ZNF800: variants seen among roughly 807,000 people sequenced by gnomAD.
ZNF800 encodes zinc finger protein 800.
A neutral mutation model predicts 59.5 loss-of-function variants in ZNF800; 13 were observed. That is an observed-to-expected ratio of 0.22 (90% CI 0.14 to 0.35). ZNF800 has a LOEUF of 0.35. Ranked by LOEUF, ZNF800 falls within the 10% of genes least tolerant of loss-of-function variation. The probability of loss-of-function intolerance (pLI) is 1.00; values close to 1 mark genes in which losing one functional copy is unlikely to be tolerated. For missense variants in ZNF800, 621 were observed against 783.7 expected (o/e 0.79, Z 2.48); for synonymous variants, 266 against 265.7 (o/e 1.00, Z -0.01).
At chr7:127,352,944 A>G (rs1420795016) in intron 1 of ZNF800, among the ~76,000 whole-genome samples, 2 of 63,700 alleles carry the variant, frequency 3.1e-5, no homozygotes, top group East Asian at 1.2e-3. Context: ...AGAAATGGAA[A>G]TGATGAGAAA....
intron 3 of ZNF800, among the ~76,000 whole-genome samples, chr7:127,383,675 TAGATTA>T (rs1801041450): frequency 6.6e-6 from 1 of 152,188 alleles, no homozygotes; most frequent in African/African-American, 2.4e-5. Context: ...CAGTAGACAT[TAGATTA>T]ACCAGAAATG....
intron 2 of ZNF800, among the ~76,000 whole-genome samples, chr7:127,387,917 AACACACACACACAC>A (rs141731563): frequency 0.014 from 2,069 of 147,828 alleles, 50 homozygotes; most frequent in African/African-American, 0.049. Flanking sequence ...ATTAATTAAG[AACACACACACACAC>A]ACACACACAC....
At chr7:127,365,880 G>A (rs1473289069), downstream of ZNF800, among the ~76,000 whole-genome samples, 2 of 152,110 alleles carry the variant, frequency 1.3e-5, no homozygotes, top group Non-Finnish European at 2.9e-5. Context: ...GTGCTAGAAA[G>A]TATTTCAGAA....
At chr7:127,360,305 TAACC>T (rs1428084641) in intron 1 of ZNF800, 1 of 152,094 alleles carries the variant, frequency 6.6e-6, no homozygotes, top group Non-Finnish European at 1.5e-5. Context: ...CCTGATTAAA[TAACC>T]AACCACTAGT....
chr7:127,392,353 G>A lies in ZNF800; in HGVS notation c.-352C>T, dbSNP rs1452449869. On this transcript the variant is annotated 5_prime_UTR_variant, in exon 1 of 6. Transcript: ENST00000265827. Reference sequence around the variant, plus strand: ...GGGAGGCGCGCGGGCGGAGGCAGTTGACAGGAGGAACCGCCCGGCAGCAGC... The same window carrying A: ...GGGAGGCGCGCGGGCGGAGGCAGTTAACAGGAGGAACCGCCCGGCAGCAGC... 1.8e-5 allele frequency: 7 copies of A among 383,094 alleles called. No homozygotes were observed. The Middle Eastern group carries it at 2.0e-3, about 108-fold the overall frequency. 23.7% of individuals were successfully genotyped at this position (383,094 alleles called of 1,614,324 possible).
intron 1 of ZNF800, among the ~76,000 whole-genome samples, chr7:127,354,295 ATAC>A (rs1290890098): frequency 6.6e-6 from 1 of 152,134 alleles, no homozygotes; most frequent in Non-Finnish European, 1.5e-5. Flanking sequence ...GAAATGTGAA[ATAC>A]TACATCATGT....
At chr7:127,389,153 G>A (rs1396310487) in intron 2 of ZNF800, among the ~76,000 whole-genome samples, 1 of 152,094 alleles carries the variant, frequency 6.6e-6, no homozygotes, top group Non-Finnish European at 1.5e-5. Context: ...CAAATATTAG[G>A]GAGAGAGAGT....
At chr7:127,382,757 C>T (rs577375316) in intron 3 of ZNF800, among the ~76,000 whole-genome samples, 2 of 151,968 alleles carry the variant, frequency 1.3e-5, no homozygotes, top group South Asian at 2.1e-4. Context: ...CACAAGAGTA[C>T]GTAGAGTCAG....
intron 3 of ZNF800, among the ~76,000 whole-genome samples, chr7:127,385,830 C>T (rs1018537375): frequency 2.6e-5 from 4 of 152,100 alleles, no homozygotes; most frequent in African/African-American, 9.6e-5. Context: ...TTAAATCATA[C>T]TAAACAAATT....
intron 1 of ZNF800, among the ~76,000 whole-genome samples, chr7:127,349,457 A>G (rs1800132055): frequency 6.6e-6 from 1 of 152,182 alleles, no homozygotes; most frequent in South Asian, 2.1e-4. Context: ...TGTAAGTTTC[A>G]GATATATTTT....
At chr7:127,380,378 T>A (rs984065230) in intron 3 of ZNF800, among the ~76,000 whole-genome samples, 7 of 152,238 alleles carry the variant, frequency 4.6e-5, no homozygotes, top group African/African-American at 1.4e-4. Context: ...TTAGATTTTT[T>A]AAATCTATGT....
intron 2 of ZNF800, among the ~76,000 whole-genome samples, chr7:127,390,017 T>C (rs532440506): frequency 3.3e-5 from 5 of 152,308 alleles, no homozygotes; most frequent in African/African-American, 9.6e-5. Flanking sequence ...AAGAACTTTA[T>C]CTGTCTTGTT....
In ZNF800 at chr7:127,374,862, C is replaced by T; in HGVS notation, c.474G>A (p.Glu158=). ...SRTDNPIEVT[E]SSSTPEQTEV... ...CGGTTTGTTCAGGAGTACTGCTTGA[C>T]TCTGTGACTTCAATAGGATTATCAG... Residue 158 remains glutamate (E), a synonymous_variant, in exon 5 of 6, where the codon GAG becomes GAA. Coordinates refer to ENST00000265827, the MANE Select transcript of ZNF800 (RefSeq NM_176814.5). The T allele has an allele frequency of 1.9e-6, 3 of 1,613,898 alleles. No homozygotes were observed. The highest frequency in any genetic ancestry group is 1.7e-6 in the Non-Finnish European group (2 of 1,179,880).
chr7:127,375,921 T>G (rs1431269333), intron 4 of ZNF800, among the ~76,000 whole-genome samples: 19 of 151,956 alleles, frequency 1.3e-4, no homozygotes, highest in Admixed American at 1.2e-3. Context: ...AGAAAAATAC[T>G]TTCACAAAAG....
intron 4 of ZNF800, among the ~76,000 whole-genome samples, chr7:127,376,563 T>TA (rs1436638376): frequency 1.1e-4 from 17 of 151,946 alleles, no homozygotes; most frequent in African/African-American, 4.1e-4. Context: ...CTTTATCACA[T>TA]AAAGTTATAC....
chr7:127,368,775 C>T (rs528701456), downstream of ZNF800, among the ~76,000 whole-genome samples: 43 of 152,048 alleles, frequency 2.8e-4, no homozygotes, highest in Admixed American at 8.5e-4. Flanking sequence ...ATCATTAACT[C>T]CCCACTACTG....
At chr7:127,363,767 A>G (rs1239496911) in intron 1 of ZNF800, 2 of 152,130 alleles carry the variant, frequency 1.3e-5, no homozygotes, top group African/African-American at 4.8e-5. Flanking sequence ...GGTTTAGGAA[A>G]GAACTTGGTT....
At chr7:127,346,264 G>A (rs1415019631), downstream of ZNF800, among the ~76,000 whole-genome samples, 2 of 152,184 alleles carry the variant, frequency 1.3e-5, no homozygotes, top group East Asian at 1.9e-4. Flanking sequence ...AGATGAAAAG[G>A]TATGAAGAGT....
At chr7:127,359,534 A>G (rs1428444411) in intron 1 of ZNF800, among the ~76,000 whole-genome samples, 2 of 152,164 alleles carry the variant, frequency 1.3e-5, no homozygotes, top group African/African-American at 4.8e-5. Flanking sequence ...ATTGTCAGTC[A>G]ATGCCTTAAA....
Sources: allele counts gnomAD v4.1 joint callset (sites outside exome capture counted in the v4.1 genomes callset), GRCh38; gene constraint gnomAD v4.1.1; transcripts MANE v1.5; gene names NCBI Gene and HGNC (gene_info 2026-07-23, HGNC 2026-07-21).